RPL32: variants seen among roughly 807,000 people sequenced by gnomAD.
The protein encoded by RPL32 is large ribosomal subunit protein eL32.
For synonymous variants in RPL32, 61 were observed against 62.6 expected, an observed-to-expected ratio of 0.98 and a Z score of 0.12; for missense variants, 117 against 173.7, an observed-to-expected ratio of 0.67 and a Z score of 1.83.
At chr3:12,840,688 G>A in intron 1 of RPL32, 1 of 357,408 alleles carries the variant, frequency 2.8e-6, no homozygotes, top group South Asian at 2.1e-5. Flanking sequence ...CTGTCACAGG[G>A]TAAATGTTCA....
In RPL32 at chr3:12,839,243, AC is replaced by A. The variant is rs375222503; in HGVS notation, c.278+105del. 2.5e-4 allele frequency: 245 copies of A among 994,316 alleles called. 1 individual carries two copies. In the East Asian group the frequency reaches 4.7e-3, roughly 19 times the overall value. The allele number at this position is 994,316 out of a possible 1,614,324, so 61.6% of individuals were successfully genotyped here. A position where few individuals can be genotyped will look rare whatever the true frequency, so the allele number is the denominator to read the frequency against. On this transcript the variant is annotated intron_variant, in intron 3 of 3. Transcript: ENST00000429711. ...CTGATTCCCTCAGAGAATGTACAAC[AC>A]CCCCCGCCAAAATGCATCCCAAGAG...
intron 3 of RPL32, among the ~76,000 whole-genome samples, chr3:12,837,275 C>T (rs2062107312): frequency 6.6e-6 from 1 of 151,916 alleles, no homozygotes; most frequent in Non-Finnish European, 1.5e-5. Flanking sequence ...TTATCCAGCA[C>T]TCTACAATTC....
At position 12,839,080 on chromosome 3, in the gene RPL32, T is replaced by C. The variant is rs1575789691; in HGVS notation, c.278+269A>G. ...GGATATTGTAGTAGTGGAAAGTGGCTATTATTGCAGTGTTCACAAAGCAGT... is the reference window on the plus strand; with the variant it reads ...GGATATTGTAGTAGTGGAAAGTGGCCATTATTGCAGTGTTCACAAAGCAGT... On this transcript the variant is annotated intron_variant, in intron 3 of 3. Transcript: ENST00000429711. 4 of 533,810 alleles carry C rather than the reference T, an allele frequency of 7.5e-6. No individual in the cohort carries two copies. The East Asian group carries it at 1.3e-4, about 17-fold the overall frequency. 33.1% of individuals were successfully genotyped at this position (533,810 alleles called of 1,614,324 possible). A position where few individuals can be genotyped will look rare whatever the true frequency, so the allele number is the denominator to read the frequency against.
At position 12,839,685 on chromosome 3, in the gene RPL32, G is replaced by GA. The variant is rs1559564553; in HGVS notation, c.97-156dup. 6.5e-6 allele frequency: 5 copies of GA among 769,910 alleles called. No homozygotes were observed. The East Asian group carries it at 1.3e-4, about 19-fold the overall frequency. 47.7% of individuals were successfully genotyped at this position (769,910 alleles called of 1,614,324 possible). A position where few individuals can be genotyped will look rare whatever the true frequency, so the allele number is the denominator to read the frequency against. ...CACTATTTCCTTACTTTTTTGGTGGGAAAAACCAGGAGCTCGTGGCTTTAG... is the reference window on the plus strand; with the variant it reads ...CACTATTTCCTTACTTTTTTGGTGGGAAAAAACCAGGAGCTCGTGGCTTTAG... On this transcript the variant is annotated intron_variant, in intron 2 of 3. Coordinates refer to ENST00000429711, the MANE Select transcript of RPL32 (RefSeq NM_000994.4).
chr3:12,838,653 C>A (rs569337557), intron 3 of RPL32, among the ~76,000 whole-genome samples: 2 of 150,922 alleles, frequency 1.3e-5, no homozygotes, highest in East Asian at 3.9e-4. Flanking sequence ...AAATAAAATT[C>A]AAAGGCCCCC....
Position 12,839,222 on chromosome 3 carries a change from T to C in RPL32, c.278+127A>G, listed in dbSNP as rs1032298691. On this transcript the variant is annotated intron_variant, in intron 3 of 3. Coordinates refer to ENST00000429711, the MANE Select transcript of RPL32 (RefSeq NM_000994.4). Reference sequence around the variant, plus strand: ...AAATCCTGCAAGGAACAACTTCTGATTCCCTCAGAGAATGTACAACACCCC... The same window carrying C: ...AAATCCTGCAAGGAACAACTTCTGACTCCCTCAGAGAATGTACAACACCCC... 41 of 795,656 alleles carry C rather than the reference T, an allele frequency of 5.2e-5. 1 individual carries two copies. Among genetic ancestry groups the C allele is most frequent in the Non-Finnish European group, 6.1e-5 (29 of 475,518 alleles). The allele number at this position is 795,656 out of a possible 1,614,324, so 49.3% of individuals were successfully genotyped here.
intron 3 of RPL32, among the ~76,000 whole-genome samples, chr3:12,836,598 G>C (rs900189512): frequency 1.3e-5 from 2 of 152,154 alleles, no homozygotes; most frequent in Admixed American, 6.5e-5. Context: ...TGCCCATGAA[G>C]GTTCAGAACT....
intron 3 of RPL32, 132 bp downstream of exon 3, chr3:12,839,215 CTT>C: frequency 1.3e-6 from 1 of 775,222 alleles, no homozygotes; most frequent in Non-Finnish European, 2.2e-6. Flanking sequence ...CAAGGAACAA[CTT>C]CTGATTCCCT....
rs1289424584 is a variant in RPL32 at position 12,835,285 on chromosome 3, G to A, written c.*809C>T. The A allele has an allele frequency of 6.6e-6, 1 of 152,236 alleles. No individual in the cohort carries two copies. The highest frequency in any genetic ancestry group is 1.5e-5 in the Non-Finnish European group (1 of 68,086). The allele number at this position is 152,236 out of a possible 1,614,324, so 9.4% of individuals were successfully genotyped here. A position where few individuals can be genotyped will look rare whatever the true frequency, so the allele number is the denominator to read the frequency against. ...TCAAAAACTACCCAGGTTTGGAGGTGTGCATCTGTAGTCCCAGCTACTTGG... is the reference window on the plus strand; with the variant it reads ...TCAAAAACTACCCAGGTTTGGAGGTATGCATCTGTAGTCCCAGCTACTTGG... On this transcript the variant is annotated 3_prime_UTR_variant, in exon 4 of 4. Transcript: ENST00000429711.
chr3:12,839,173 G>C, intron 3 of RPL32, 176 bp downstream of exon 3: 1 of 642,822 alleles, frequency 1.6e-6, no homozygotes, highest in South Asian at 1.9e-5. Context: ...GAAACACCTT[G>C]AATTCCCCAA....
At chr3:12,839,994 G>A (rs1559564661) in intron 2 of RPL32, 148 bp downstream of exon 2, 5 of 727,124 alleles carry the variant, frequency 6.9e-6, no homozygotes, top group Non-Finnish European at 1.2e-5. Flanking sequence ...ACCAGCACTA[G>A]GGCACACTGG....
chr3:12,841,552 G>A lies in RPL32; in HGVS notation c.-64C>T, dbSNP rs1324874495. On this transcript the variant is annotated 5_prime_UTR_variant, in exon 1 of 4. Transcript: ENST00000429711. ...CGCCGAGGAAGAGAGAAGGGACGGT[G>A]GCGCGCAAGGGCTGATGGGTCGTAA... The A allele has an allele frequency of 6.6e-6, 1 of 152,272 alleles. No homozygotes were observed. The highest frequency in any genetic ancestry group is 1.5e-5 in the Non-Finnish European group (1 of 68,058). 9.4% of individuals were successfully genotyped at this position (152,272 alleles called of 1,614,324 possible). A position where few individuals can be genotyped will look rare whatever the true frequency, so the allele number is the denominator to read the frequency against.
At chr3:12,839,764 C>A (rs776824822) in intron 2 of RPL32, among the ~76,000 whole-genome samples, 21 of 152,160 alleles carry the variant, frequency 1.4e-4, no homozygotes, top group Non-Finnish European at 2.6e-4. Flanking sequence ...ATGGAGGAGG[C>A]ACCAATGGGA....
At chr3:12,840,369 G>A (rs190808888) in intron 1 of RPL32, 127 bp from the exon 2 acceptor site, 2 of 787,520 alleles carry the variant, frequency 2.5e-6, no homozygotes, top group African/African-American at 1.7e-5. Flanking sequence ...AATGGAATGG[G>A]TGCCTCTGCC....
intron 2 of RPL32, 160 bp from the exon 3 acceptor site, chr3:12,839,690 A>C (rs1452206258): frequency 1.3e-6 from 1 of 756,462 alleles, no homozygotes; most frequent in Admixed American, 2.4e-5. Context: ...GGTGGGAAAA[A>C]CCAGGAGCTC....
At chr3:12,836,492 C>T (rs11916815) in intron 3 of RPL32, among the ~76,000 whole-genome samples, 27,563 of 152,022 alleles carry the variant, frequency 0.18, 3,315 homozygotes, top group African/African-American at 0.35. Flanking sequence ...ATAAAGAAAC[C>T]AAGGCCCACA....
In RPL32 at chr3:12,841,507, G is replaced by C. The variant is rs987567650; in HGVS notation, c.-19C>G. 1 of 152,250 alleles carries C rather than the reference G, an allele frequency of 6.6e-6. No homozygotes were observed. Among genetic ancestry groups the C allele is most frequent in the African/African-American group, 2.4e-5 (1 of 41,464 alleles). 9.4% of individuals were successfully genotyped at this position (152,250 alleles called of 1,614,324 possible). On this transcript the variant is annotated 5_prime_UTR_variant, in exon 1 of 4. Transcript: ENST00000429711. ...ATTAACACTTACCGAGAAGGAGATG[G>C]CTGCCACCTCCGTAGGCAGCGCCGA... is the stretch of plus-strand genomic sequence containing the variant.
At chr3:12,836,313 C>A in intron 3 of RPL32, 90 bp from the exon 4 acceptor site, 2 of 1,510,514 alleles carry the variant, frequency 1.3e-6, no homozygotes, top group Non-Finnish European at 1.8e-6. Flanking sequence ...CAGCACCAAG[C>A]TAAGAGAGGG....
intron 2 of RPL32, 66 bp from the exon 3 acceptor site, chr3:12,839,596 G>T (rs1553640300): frequency 6.9e-7 from 1 of 1,459,184 alleles, no homozygotes; most frequent in Admixed American, 1.7e-5. Flanking sequence ...TTTTGGGGAG[G>T]GAAAAAAAGG....
Sources: gnomAD v4.1 joint callset for allele counts (sites outside exome capture counted in the v4.1 genomes callset) on GRCh38, gnomAD v4.1.1 for gene constraint, MANE v1.5 for transcripts, NCBI Gene and HGNC (gene_info 2026-07-23, HGNC 2026-07-21) for gene names.